Variants in ATG16L2 observed in about 807,000 individuals in gnomAD.
ATG16L2 encodes the protein protein Atg16l2.
A neutral mutation model predicts 84.7 loss-of-function variants in ATG16L2; 77 were observed. The ratio of observed to expected loss-of-function variants is 0.91; its 90% CI spans 0.76 to 1.10. The LOEUF is 1.10. Ranked by LOEUF, ATG16L2 falls within the 50% of genes least tolerant of loss-of-function variation. The pLI, the probability that ATG16L2 is intolerant of heterozygous loss-of-function variation, is 0.00. For missense variants in ATG16L2, 782 were observed against 817.6 expected (o/e 0.96, Z 0.53); for synonymous variants, 361 against 342.8 (o/e 1.05, Z -0.59).
chr11:72,824,880 T>C (rs1456683705), intron 9 of ATG16L2, 38 bp downstream of exon 9: 1 of 1,523,186 alleles, frequency 6.6e-7, no homozygotes, highest in East Asian at 2.3e-5. Flanking sequence ...GGGGCAGTGG[T>C]GAGAGAGTGC....
At chr11:72,839,880 T>G in intron 5 of ATG16L2, among the ~76,000 whole-genome samples, 1 of 152,144 alleles carries the variant, frequency 6.6e-6, no homozygotes, top group East Asian at 1.9e-4. Context: ...GTTCAACAAC[T>G]TCAAGAGAAG....
At chr11:72,821,811 G>A (rs995278464) in intron 4 of ATG16L2, 70 bp downstream of exon 4, 3 of 1,502,568 alleles carry the variant, frequency 2.0e-6, no homozygotes, top group Admixed American at 2.1e-5. Flanking sequence ...TATACGGGAG[G>A]CGGGGGGAAT....
chr11:72,841,366 C>CAA, intron 5 of ATG16L2: 1 of 605,722 alleles, frequency 1.7e-6, no homozygotes, highest in Non-Finnish European at 2.4e-6. Flanking sequence ...AAAAAAAAAG[C>CAA]AAATGCAGTT....
intron 10 of ATG16L2, 115 bp downstream of exon 10, chr11:72,825,522 T>A (rs1347030918): frequency 1.2e-6 from 1 of 802,660 alleles, no homozygotes; most frequent in Non-Finnish European, 2.1e-6. Flanking sequence ...TCTGGAATAT[T>A]CTGTGGGCAG....
chr11:72,821,436 C>G, intron 3 of ATG16L2: 13 of 1,348,888 alleles, frequency 9.6e-6, no homozygotes, highest in Non-Finnish European at 1.2e-5. Flanking sequence ...AGAAACGAAG[C>G]GGCACGGCGA....
At chr11:72,833,311 T>A (rs116926964), downstream of ATG16L2, among the ~76,000 whole-genome samples, 12 of 152,348 alleles carry the variant, frequency 7.9e-5, no homozygotes, top group Middle Eastern at 3.4e-3. Flanking sequence ...GCTCTTCCAC[T>A]GGAGACACAT....
chr11:72,831,227 C>T (rs1425572682), downstream of ATG16L2, among the ~76,000 whole-genome samples: 2 of 152,222 alleles, frequency 1.3e-5, no homozygotes, highest in Admixed American at 1.3e-4. Flanking sequence ...CTTATTCAGG[C>T]TGGATGCGGT....
intron 3 of ATG16L2, chr11:72,818,236 T>C (rs888168155): frequency 1.4e-4 from 26 of 185,346 alleles, no homozygotes; most frequent in South Asian, 3.9e-4. Flanking sequence ...ATTTAGCGCA[T>C]TGGCAGAGTG....
downstream of ATG16L2, among the ~76,000 whole-genome samples, chr11:72,830,463 C>T (rs549322641): frequency 6.6e-6 from 1 of 152,240 alleles, no homozygotes; most frequent in East Asian, 1.9e-4. Flanking sequence ...CAATCCTTTC[C>T]CTTACTATGG....
chr11:72,821,759 G>T lies in ATG16L2; in HGVS notation c.392+18G>T. 3 of 1,528,110 alleles carry T rather than the reference G, an allele frequency of 2.0e-6. No individual in the cohort carries two copies. Among genetic ancestry groups the T allele is most frequent in the Non-Finnish European group, 2.6e-6 (3 of 1,142,696 alleles). 94.7% of individuals were successfully genotyped at this position (1,528,110 alleles called of 1,614,324 possible). A position where few individuals can be genotyped will look rare whatever the true frequency, so the allele number is the denominator to read the frequency against. ...CAAAGCAGGTGAGGCGCGGGCGGGG[G>T]CGGGAGGGACCGCGCCCACCTCAGG... is the stretch of plus-strand genomic sequence containing the variant. On this transcript the variant is annotated intron_variant, in intron 4 of 17. Transcript: ENST00000321297.
At position 72,828,769 on chromosome 11, in the gene ATG16L2, G is replaced by A. The variant is rs540213343; in HGVS notation, c.1663G>A (p.Val555Met). 6.2e-7 allele frequency: 1 copy of A among 1,614,194 alleles called. No individual in the cohort carries two copies. The highest frequency in any genetic ancestry group is 2.2e-5 in the East Asian group (1 of 44,886). ...GTGTGGTTCTGACTGGACCAAAGCT[G>A]TGTTCAGGTATGTCCGTGAGAGCAT... is the stretch of plus-strand genomic sequence containing the variant. ...FKCGSDWTKA[V>M]FSPDRSYALA... Residue 555 changes from valine to methionine, a missense_variant, in exon 16 of 18, where the codon GTG (valine) becomes ATG (methionine). Physicochemically the swap from Val to Met is conservative, Grantham distance 21. Transcript: ENST00000321297.
downstream of ATG16L2, among the ~76,000 whole-genome samples, chr11:72,830,091 C>T (rs976064696): frequency 7.2e-5 from 11 of 152,232 alleles, no homozygotes; most frequent in African/African-American, 2.6e-4. Flanking sequence ...CAGGGTGGGG[C>T]AGAGCAAGGC....
intron 5 of ATG16L2, chr11:72,838,881 A>G: frequency 1.2e-6 from 2 of 1,604,042 alleles, no homozygotes; most frequent in Non-Finnish European, 1.7e-6. Context: ...GGACCTGAGC[A>G]GGAAACAATT....
downstream of ATG16L2, among the ~76,000 whole-genome samples, chr11:72,831,704 G>A (rs1184897746): frequency 1.3e-5 from 2 of 152,084 alleles, no homozygotes; most frequent in Non-Finnish European, 2.9e-5. Context: ...TGGGGAGACC[G>A]ACACTCCTGT....
chr11:72,825,544 T>C lies in ATG16L2; in HGVS notation c.1102+137T>C. 3 of 690,354 alleles carry C rather than the reference T, an allele frequency of 4.3e-6. No homozygotes were observed. The South Asian group carries it at 5.2e-5, about 12-fold the overall frequency. The allele number at this position is 690,354 out of a possible 1,614,324, so 42.8% of individuals were successfully genotyped here. Reference sequence around the variant, plus strand: ...TATTCTGTGGGCAGTGACTAGACAATGCCTTGGAAAGAGTGAGACTCTGGG... The same window carrying C: ...TATTCTGTGGGCAGTGACTAGACAACGCCTTGGAAAGAGTGAGACTCTGGG... On this transcript the variant is annotated intron_variant, in intron 10 of 17. Coordinates refer to ENST00000321297, the MANE Select transcript of ATG16L2 (RefSeq NM_033388.2).
chr11:72,828,954 A>T lies in ATG16L2; in HGVS notation c.1742A>T (p.Lys581Ile). 1 of 1,614,066 alleles carries T rather than the reference A, an allele frequency of 6.2e-7. No individual in the cohort carries two copies. The change falls in exon 17 of 18, where the codon AAA becomes ATA. Residue 581 changes from lysine (K) to isoleucine (I), a missense_variant. Transcript: ENST00000321297. ...ALYIWDVDTGKLESRLQGPHC... is the reference protein window; with the variant it reads ...ALYIWDVDTGILESRLQGPHC... ...TACATCTGGGATGTGGACACCGGGA[A>T]ACTGGAGAGCAGACTACAGGGACCC...
chr11:72,828,231 C>T (rs763915625), intron 14 of ATG16L2, 128 bp from the exon 15 acceptor site: 102 of 1,047,238 alleles, frequency 9.7e-5, no homozygotes, highest in Non-Finnish European at 1.4e-4. Flanking sequence ...GCCTTTACCC[C>T]AGCGATCCAG....
In ATG16L2 at chr11:72,822,069, G is replaced by T; in HGVS notation, c.418G>T (p.Ala140Ser). 2 of 1,535,892 alleles carry T rather than the reference G, an allele frequency of 1.3e-6. No homozygotes were observed. Among genetic ancestry groups the T allele is most frequent in the Non-Finnish European group, 8.7e-7 (1 of 1,154,638 alleles). Residue 140 changes from alanine to serine, a missense_variant, in exon 5 of 18, where the codon GCG becomes TCG. Transcript: ENST00000321297. The surrounding 1 kb of genome is among the most constrained non-coding windows in gnomAD (Gnocchi z 4.2). The part of the protein sequence containing the change: ...SRLAALEARV[A>S]QLREARAQQA... ...GCTGGCAGCCCTGGAGGCCCGCGTG[G>T]CGCAGCTGCGAGAGGCGCGGGCGCA...
At chr11:72,836,297 C>G (rs568923835) in intron 5 of ATG16L2, among the ~76,000 whole-genome samples, 1 of 152,268 alleles carries the variant, frequency 6.6e-6, no homozygotes, top group South Asian at 2.1e-4. Flanking sequence ...ATTCATTACT[C>G]CTTAGGGTGG....
Sources: gnomAD v4.1 joint callset for allele counts (sites outside exome capture counted in the v4.1 genomes callset) on GRCh38, gnomAD v4.1.1 for gene constraint, Gnocchi (gnomAD v3.1) non-coding constraint, MANE v1.5 for transcripts, NCBI Gene and HGNC (gene_info 2026-07-23, HGNC 2026-07-21) for gene names.